OTOGL: variants seen among roughly 807,000 people sequenced by gnomAD.
OTOGL encodes otogelin like, also known as otogelin-like protein.
A neutral mutation model predicts 318.5 loss-of-function variants in OTOGL; 285 were observed. The ratio of observed to expected loss-of-function variants is 0.89; its 90% CI spans 0.81 to 0.99. The LOEUF (loss-of-function observed/expected upper bound fraction) is 0.99. OTOGL is among the 50% of genes least tolerant of loss of function. The pLI is 0.00. For synonymous variants in OTOGL, 987 were observed against 936.5 expected (o/e 1.05, Z -0.99); for missense variants, 2,899 against 2,845.6 (o/e 1.02, Z -0.43).
At chr12:80,114,179 C>T (rs144159745) in intron 1 of OTOGL, among the ~76,000 whole-genome samples, 17 of 152,092 alleles carry the variant, frequency 1.1e-4, no homozygotes, top group African/African-American at 3.4e-4. Context: ...TTATTGTGCC[C>T]GTTAGTTGAT....
intron 1 of OTOGL, among the ~76,000 whole-genome samples, chr12:80,142,306 C>T (rs1113726): frequency 0.024 from 3,717 of 152,168 alleles, 156 homozygotes; most frequent in African/African-American, 0.085. Flanking sequence ...TCAGTGGCCA[C>T]GTGTCTAGCG....
rs1276718074 is a variant in OTOGL at position 80,320,465 on chromosome 12, C to T, written c.3846C>T (p.Tyr1282=). 2.5e-6 allele frequency: 4 copies of T among 1,613,368 alleles called. No homozygotes were observed. The South Asian group carries it at 3.3e-5, about 13-fold the overall frequency. Residue 1282 remains tyrosine (Y), a synonymous_variant, in exon 34 of 59, where the codon TAC becomes TAT. Transcript: ENST00000547103. ...TGGAATCTGCTGAAAGGCCAAACTA[C>T]TTTCTCTATGTCCATGACAATGATA... The part of the protein sequence containing the change: ...VSLESAERPN[Y]FLYVHDNDTL...
At chr12:80,190,786 CAAAAAAAAAAAAA>C (rs55950528) in intron 1 of OTOGL, among the ~76,000 whole-genome samples, 2,098 of 73,664 alleles carry the variant, frequency 0.028, 41 homozygotes, top group South Asian at 0.068. Context: ...GACTCCGTCT[CAAAAAAAAAAAAA>C]AAAAAAAAAA....
Position 80,271,756 on chromosome 12 carries a change from A to C in OTOGL, c.2627A>C (p.Asn876Thr). The C allele has an allele frequency of 3.1e-6, 5 of 1,613,228 alleles. No homozygotes were observed. The highest frequency in any genetic ancestry group is 4.5e-5 in the East Asian group (2 of 44,850). The change falls in exon 24 of 59, where the codon AAC becomes ACC. Residue 876 changes from asparagine to threonine, a missense_variant. By Grantham distance (65) the Asn-to-Thr change is moderately conservative. Transcript: ENST00000547103. Reference protein sequence around the residue: ...CETTCANLAMNFTCTPSSPCI... With the variant: ...CETTCANLAMTFTCTPSSPCI... ...ACTACATGTGCAAACCTAGCCATGA[A>C]CTTCACCTGCACCCCATCCTCACCC...
chr12:80,223,272 T>C (rs976381935), intron 7 of OTOGL, among the ~76,000 whole-genome samples: 50 of 151,954 alleles, frequency 3.3e-4, no homozygotes, highest in African/African-American at 1.2e-3. Context: ...TGTATATATA[T>C]GTATATATAT....
At chr12:80,305,543 A>C in intron 28 of OTOGL, 33 bp from the exon 29 acceptor site, 1 of 1,457,458 alleles carries the variant, frequency 6.9e-7, no homozygotes, top group Non-Finnish European at 9.0e-7. Flanking sequence ...AAGTGAAAAC[A>C]GAATATTTCC....
rs190272841 is a variant in OTOGL at position 80,370,342 on chromosome 12, A to C, written c.6616-228A>C. ...TATGAAACCTAGCATATACAAACAC[A>C]CTATACATATGTATGTATTTTTATC... On this transcript the variant is annotated intron_variant, in intron 55 of 58. Transcript: ENST00000547103. Among the ~76,000 whole-genome samples the C allele has an allele frequency of 9.9e-5, 15 of 152,124 alleles. No homozygotes were observed. In the East Asian group the frequency reaches 2.5e-3, roughly 25 times the overall value.
chr12:80,206,686 A>AT lies in OTOGL; in HGVS notation c.-19-2712dup, dbSNP rs774957299. Reference sequence around the variant, plus strand: ...TACCATGCCCAGCTAATTGTTTTGTATTTTTTTTTTTTTTTGTAGAGGCAG... The same window carrying AT: ...TACCATGCCCAGCTAATTGTTTTGTATTTTTTTTTTTTTTTTGTAGAGGCAG... On this transcript the variant is annotated intron_variant, in intron 1 of 58. Transcript: ENST00000547103. Among the ~76,000 whole-genome samples, 663 of 134,858 alleles carry AT rather than the reference A, an allele frequency of 4.9e-3. 3 individuals carry two copies. The highest frequency in any genetic ancestry group is 0.042 in the South Asian group (176 of 4,192). 88.5% of individuals were successfully genotyped at this position (134,858 alleles called of 152,430 possible).
chr12:80,112,493 C>G (rs996088673), intron 1 of OTOGL, among the ~76,000 whole-genome samples: 1 of 151,994 alleles, frequency 6.6e-6, no homozygotes, highest in African/African-American at 2.4e-5. Flanking sequence ...CTGCATCTAT[C>G]GAGATAATCA....
In OTOGL at chr12:80,149,642, C is replaced by T. The variant is rs1273005670; in HGVS notation, c.-20+50037C>T. Among the ~76,000 whole-genome samples the T allele has an allele frequency of 2.6e-5, 4 of 152,298 alleles. No homozygotes were observed. The East Asian group carries it at 7.7e-4, about 29-fold the overall frequency. Reference sequence around the variant, plus strand: ...CTTTGTTTACCTAAGCAAGCCTGGGCAATGGCGGGCGCCCCTCCCCCAGCC... The same window carrying T: ...CTTTGTTTACCTAAGCAAGCCTGGGTAATGGCGGGCGCCCCTCCCCCAGCC... On this transcript the variant is annotated intron_variant, in intron 1 of 58. Coordinates refer to ENST00000547103, the MANE Select transcript of OTOGL (RefSeq NM_001378609.3).
intron 19 of OTOGL, among the ~76,000 whole-genome samples, chr12:80,262,574 T>A (rs1051854116): frequency 1.5e-4 from 23 of 152,224 alleles, no homozygotes; most frequent in East Asian, 7.7e-4. Context: ...AGAGGCTTTG[T>A]GCCATTGAGT....
chr12:80,105,204 A>C (rs544446800), intron 1 of OTOGL, among the ~76,000 whole-genome samples: 3 of 152,348 alleles, frequency 2.0e-5, no homozygotes, highest in East Asian at 3.9e-4. Context: ...AAATTCATTT[A>C]AAACTATTCT....
chr12:80,129,158 G>C (rs566645578), intron 1 of OTOGL, among the ~76,000 whole-genome samples: 2 of 152,288 alleles, frequency 1.3e-5, no homozygotes, highest in South Asian at 4.1e-4. Context: ...GACCGGAGCT[G>C]TTCCTATTCG....
chr12:80,106,105 T>C (rs766267852), intron 1 of OTOGL, among the ~76,000 whole-genome samples: 11 of 152,164 alleles, frequency 7.2e-5, no homozygotes, highest in Non-Finnish European at 8.8e-5. Flanking sequence ...CACTAAAACA[T>C]TTGTTGACTC....
chr12:80,175,109 G>A (rs1281795621), intron 1 of OTOGL, among the ~76,000 whole-genome samples: 1 of 152,052 alleles, frequency 6.6e-6, no homozygotes, highest in African/African-American at 2.4e-5. Context: ...TTTCCACAGA[G>A]ACACAGAGAT....
At chr12:80,297,010 C>A in intron 27 of OTOGL, 49 bp downstream of exon 27, 47 of 1,391,620 alleles carry the variant, frequency 3.4e-5, no homozygotes, top group Non-Finnish European at 4.5e-5. Flanking sequence ...CCTGAGGATA[C>A]TGAAAATAGA....
chr12:80,255,051 G>T lies in OTOGL; in HGVS notation c.1453G>T (p.Val485Phe). Residue 485 changes from valine (V) to phenylalanine (F), a missense_variant, in exon 16 of 59, where the codon GTT (valine) becomes TTT (phenylalanine). Coordinates refer to ENST00000547103, the MANE Select transcript of OTOGL (RefSeq NM_001378609.3). ...TEQDCPVQCS[V>F]VGDSHFTTFD... is the part of the protein sequence containing the mutation. ...TTTTTTTTTGGCAGTTCAATGCTCAGTTGTAGGTGATTCTCACTTTACAAC... is the reference window on the plus strand; with the variant it reads ...TTTTTTTTTGGCAGTTCAATGCTCATTTGTAGGTGATTCTCACTTTACAAC... 1 of 1,493,980 alleles carries T rather than the reference G, an allele frequency of 6.7e-7. No individual in the cohort carries two copies. The highest frequency in any genetic ancestry group is 8.9e-7 in the Non-Finnish European group (1 of 1,126,290). 92.5% of individuals were successfully genotyped at this position (1,493,980 alleles called of 1,614,324 possible).
intron 37 of OTOGL, among the ~76,000 whole-genome samples, chr12:80,330,782 T>C (rs1338958712): frequency 1.3e-5 from 2 of 152,240 alleles, no homozygotes; most frequent in African/African-American, 4.8e-5. Context: ...TCAGCAAGGT[T>C]GCAGAATGCA....
At chr12:80,227,283 A>G (rs1043809829) in intron 7 of OTOGL, among the ~76,000 whole-genome samples, 1 of 151,766 alleles carries the variant, frequency 6.6e-6, no homozygotes, top group African/African-American at 2.4e-5. Context: ...TTATTCTTTG[A>G]ATTTCGTTTT....
Sources: allele counts gnomAD v4.1 joint callset (sites outside exome capture counted in the v4.1 genomes callset), GRCh38; gene constraint gnomAD v4.1.1; transcripts MANE v1.5; gene names NCBI Gene and HGNC (gene_info 2026-07-23, HGNC 2026-07-21).